Variants in PTPRD observed in about 807,000 individuals in gnomAD.
PTPRD encodes the protein receptor-type tyrosine-protein phosphatase delta.
PTPRD carries 34 observed loss-of-function variants against 214.5 expected under a neutral mutation model. The ratio of observed to expected loss-of-function variants is 0.16; its 90% CI spans 0.12 to 0.21. The LOEUF (loss-of-function observed/expected upper bound fraction) is 0.21. Among genes scored for constraint, PTPRD ranks in the 10% least tolerant of loss-of-function variants. The pLI is 1.00. For synonymous variants in PTPRD, 1,128 were observed against 845.7 expected (o/e 1.33, Z -5.79); for missense variants, 2,545 against 2,398.7 (o/e 1.06, Z -1.27).
intron 14 of PTPRD, among the ~76,000 whole-genome samples, chr9:8,566,650 T>G (rs2089336913): frequency 1.3e-5 from 2 of 152,108 alleles, no homozygotes; most frequent in African/African-American, 4.8e-5. Flanking sequence ...TCATATTTGA[T>G]CCTCAGCGCC....
At chr9:8,609,780 G>C (rs2095374337) in intron 14 of PTPRD, among the ~76,000 whole-genome samples, 2 of 152,102 alleles carry the variant, frequency 1.3e-5, no homozygotes, top group Non-Finnish European at 2.9e-5. Flanking sequence ...AAAAATGGAA[G>C]GGATACTTGA....
chr9:8,522,932 T>A (rs1258419032), intron 19 of PTPRD, among the ~76,000 whole-genome samples: 1 of 152,130 alleles, frequency 6.6e-6, no homozygotes, highest in Non-Finnish European at 1.5e-5. Flanking sequence ...TGGCTGCTCT[T>A]AAGGTCGAGA....
At chr9:8,808,354 C>T (rs1201694277) in intron 11 of PTPRD, among the ~76,000 whole-genome samples, 3 of 151,872 alleles carry the variant, frequency 2.0e-5, no homozygotes, top group African/African-American at 7.3e-5. Context: ...ATGGTAAGCA[C>T]TTTTGGGAAA....
intron 3 of PTPRD, among the ~76,000 whole-genome samples, chr9:10,300,649 G>A (rs186873684): frequency 2.5e-3 from 381 of 152,292 alleles, no homozygotes; most frequent in Middle Eastern, 6.8e-3. Context: ...AAGCCACCAG[G>A]AAGTTTGAAA....
At chr9:10,582,694 G>A (rs1035318137) in intron 2 of PTPRD, among the ~76,000 whole-genome samples, 1 of 151,992 alleles carries the variant, frequency 6.6e-6, no homozygotes, top group Admixed American at 6.6e-5. Context: ...AGATAATCGT[G>A]TAAAAAGATA....
chr9:10,014,522 C>A (rs561513983), intron 4 of PTPRD, among the ~76,000 whole-genome samples: 2 of 152,076 alleles, frequency 1.3e-5, no homozygotes, highest in East Asian at 3.9e-4. Context: ...CAATTGTATT[C>A]ACTCTAGAAA....
At chr9:8,426,683 A>C (rs2094697795) in intron 35 of PTPRD, among the ~76,000 whole-genome samples, 1 of 152,208 alleles carries the variant, frequency 6.6e-6, no homozygotes, top group South Asian at 2.1e-4. Context: ...ACTGGGAAAC[A>C]GAAAACGAGT....
chr9:8,816,110 T>C (rs1349506215), intron 11 of PTPRD, among the ~76,000 whole-genome samples: 1 of 152,192 alleles, frequency 6.6e-6, no homozygotes, highest in Non-Finnish European at 1.5e-5. Context: ...GTTTACTGAT[T>C]AAACCCTTTG....
intron 5 of PTPRD, among the ~76,000 whole-genome samples, chr9:9,842,066 C>G (rs539044365): frequency 6.6e-6 from 1 of 151,718 alleles, no homozygotes; most frequent in Admixed American, 6.6e-5. Flanking sequence ...GCTGAAATAG[C>G]TAAAGGAGGA....
intron 10 of PTPRD, among the ~76,000 whole-genome samples, chr9:9,088,309 C>T (rs3004230): frequency 0.62 from 92,936 of 149,888 alleles, 29,390 homozygotes; most frequent in Non-Finnish European, 0.69. Context: ...AAATCTGGGC[C>T]GGGTGCGGTG....
Position 10,185,795 on chromosome 9 carries a change from C to T in PTPRD, c.-544-152005G>A, listed in dbSNP as rs73396402. On this transcript the variant is annotated intron_variant, in intron 3 of 45. Coordinates refer to ENST00000381196, the MANE Select transcript of PTPRD (RefSeq NM_002839.4). ...TGGAATCTACATATGAGGGTTGTGA[C>T]CTAACTTGTTTCCTGGGAAGCATCA... Among the ~76,000 whole-genome samples the T allele has an allele frequency of 3.2e-3, 483 of 151,962 alleles. 3 individuals are homozygous for T. The highest frequency in any genetic ancestry group is 0.011 in the African/African-American group (462 of 41,462).
chr9:8,792,645 T>A (rs1037211094), intron 11 of PTPRD, among the ~76,000 whole-genome samples: 9 of 152,302 alleles, frequency 5.9e-5, no homozygotes, highest in Non-Finnish European at 1.2e-4. Context: ...TTTAATCCTT[T>A]AAAAAATGAA....
chr9:10,201,913 G>C (rs1201527536), intron 3 of PTPRD, among the ~76,000 whole-genome samples: 1 of 151,222 alleles, frequency 6.6e-6, no homozygotes, highest in Non-Finnish European at 1.5e-5. Flanking sequence ...TTTTTTTCCA[G>C]TGTGTTTTTC....
At chr9:8,494,001 CACACAG>C (rs533771239) in intron 26 of PTPRD, among the ~76,000 whole-genome samples, 3,878 of 123,752 alleles carry the variant, frequency 0.031, 65 homozygotes, top group African/African-American at 0.06. Flanking sequence ...CACACACAGA[CACACAG>C]ACACACACAC....
intron 8 of PTPRD, among the ~76,000 whole-genome samples, chr9:9,489,989 A>T (rs1174098287): frequency 6.6e-6 from 1 of 152,118 alleles, no homozygotes; most frequent in Non-Finnish European, 1.5e-5. Context: ...AAACAAAGAG[A>T]AAATCTTAAA....
At chr9:8,536,782 G>A (rs558000909) in intron 14 of PTPRD, among the ~76,000 whole-genome samples, 2 of 152,032 alleles carry the variant, frequency 1.3e-5, no homozygotes, top group South Asian at 2.1e-4. Context: ...TATGACTTTG[G>A]GCCACAAGGT....
chr9:9,261,587 G>A lies in PTPRD; in HGVS notation c.-202-78224C>T, dbSNP rs150205419. 1.9e-3 allele frequency among the ~76,000 whole-genome samples: 285 copies of A among 151,746 alleles called. 2 individuals are homozygous for A. The highest frequency in any genetic ancestry group is 6.2e-3 in the African/African-American group (258 of 41,418). The stretch of plus-strand genomic sequence containing the variant: ...GTGATAAAATGGGGGAAGGGGTGGC[G>A]GTTGGTAGAAAGCAAACCTCTAATA... On this transcript the variant is annotated intron_variant, in intron 9 of 45. Transcript: ENST00000381196.
chr9:8,664,838 G>T (rs1025547), intron 12 of PTPRD, among the ~76,000 whole-genome samples: 94,833 of 152,010 alleles, frequency 0.62, 29,853 homozygotes, highest in East Asian at 0.86. Flanking sequence ...TGAGTCCCAT[G>T]GTTTTATCAC....
chr9:8,727,570 G>C (rs1025872172), intron 12 of PTPRD, among the ~76,000 whole-genome samples: 28 of 152,202 alleles, frequency 1.8e-4, no homozygotes, highest in Non-Finnish European at 4.4e-5. Context: ...CTTTCAGATT[G>C]CATATACTAA....
Sources: allele counts gnomAD v4.1 joint callset (sites outside exome capture counted in the v4.1 genomes callset), GRCh38; gene constraint gnomAD v4.1.1; transcripts MANE v1.5; gene names NCBI Gene and HGNC (gene_info 2026-07-23, HGNC 2026-07-21).